Variants in ADCY8 observed in about 807,000 individuals in gnomAD.
ADCY8 encodes the protein adenylate cyclase type 8.
In ADCY8, 51 loss-of-function variants were observed where a neutral mutation model predicts 119.7. That is an observed-to-expected ratio of 0.43 (90% CI 0.34 to 0.54). The LOEUF is 0.54. Ranked by LOEUF, ADCY8 falls within the 20% of genes least tolerant of loss-of-function variation. The probability of loss-of-function intolerance (pLI) is 0.03; values close to 1 mark genes in which losing one functional copy is unlikely to be tolerated. For synonymous variants in ADCY8, 665 were observed against 651.0 expected, an observed-to-expected ratio of 1.02 and a Z score of -0.33; for missense variants, 1,383 against 1,598.8, an observed-to-expected ratio of 0.87 and a Z score of 2.30.
chr8:130,937,290 G>C, intron 4 of ADCY8, 90 bp from the exon 5 acceptor site: 3 of 1,367,280 alleles, frequency 2.2e-6, no homozygotes, highest in African/African-American at 2.9e-5. Flanking sequence ...GCAGGGTTAG[G>C]TGGTCTGCAA....
chr8:131,014,226 T>G (rs2130784698), intron 1 of ADCY8, among the ~76,000 whole-genome samples: 1 of 152,306 alleles, frequency 6.6e-6, no homozygotes, highest in East Asian at 1.9e-4. Flanking sequence ...AAGCATTTAG[T>G]TTACCCTTGC....
At chr8:130,865,202 G>C (rs948089087) in intron 9 of ADCY8, among the ~76,000 whole-genome samples, 3 of 151,998 alleles carry the variant, frequency 2.0e-5, no homozygotes, top group East Asian at 3.9e-4. Context: ...GGGGAAGAAG[G>C]CTCTGTCAAT....
At chr8:131,012,298 G>A (rs1300469783) in intron 1 of ADCY8, among the ~76,000 whole-genome samples, 1 of 152,162 alleles carries the variant, frequency 6.6e-6, no homozygotes. Flanking sequence ...GTTAGAGTCT[G>A]GGTCACACCA....
chr8:130,956,106 C>A (rs534647610), intron 2 of ADCY8, among the ~76,000 whole-genome samples: 6 of 152,074 alleles, frequency 3.9e-5, no homozygotes, highest in Non-Finnish European at 8.8e-5. Context: ...GTTTGTGCCA[C>A]GGCACTCCAG....
chr8:131,038,329 C>A lies in ADCY8; in HGVS notation c.960+1045G>T, dbSNP rs1824229540. On this transcript the variant is annotated intron_variant, in intron 1 of 17. Transcript: ENST00000286355. Reference sequence around the variant, plus strand: ...GACAGAGCAGGCCCATACAAAGCAGCCCCCTGACCATGCATCTCACACCAG... The same window carrying A: ...GACAGAGCAGGCCCATACAAAGCAGACCCCTGACCATGCATCTCACACCAG... Among the ~76,000 whole-genome samples the A allele has an allele frequency of 1.3e-5, 2 of 152,106 alleles. 1 individual carries two copies. The highest frequency in any genetic ancestry group is 4.8e-5 in the African/African-American group (2 of 41,402).
At chr8:130,989,573 A>G (rs997230511) in intron 2 of ADCY8, among the ~76,000 whole-genome samples, 2 of 152,178 alleles carry the variant, frequency 1.3e-5, no homozygotes, top group African/African-American at 4.8e-5. Context: ...AATTTCCAAG[A>G]GCATATATAC....
intron 13 of ADCY8, among the ~76,000 whole-genome samples, chr8:130,814,902 T>C (rs149506246): frequency 6.6e-6 from 1 of 152,206 alleles, no homozygotes; most frequent in Non-Finnish European, 1.5e-5. Flanking sequence ...GGTGCTTCTA[T>C]CTGTTCGACT....
chr8:130,803,833 T>C (rs912919658), intron 14 of ADCY8, among the ~76,000 whole-genome samples: 2 of 152,252 alleles, frequency 1.3e-5, no homozygotes, highest in Non-Finnish European at 2.9e-5. Flanking sequence ...GTGTCACTGA[T>C]TCATCATCAA....
At chr8:130,817,208 G>A (rs2130183463) in intron 13 of ADCY8, among the ~76,000 whole-genome samples, 1 of 152,292 alleles carries the variant, frequency 6.6e-6, no homozygotes, top group Admixed American at 6.5e-5. Context: ...CTGGAATTTT[G>A]GGGAAGAGAA....
chr8:130,998,335 G>C (rs1586642802), intron 1 of ADCY8, among the ~76,000 whole-genome samples: 1 of 152,338 alleles, frequency 6.6e-6, no homozygotes, highest in Middle Eastern at 3.4e-3. Flanking sequence ...AAGTGAGGGA[G>C]TCATCCTCAT....
chr8:130,813,507 A>C (rs1046727015), intron 14 of ADCY8, among the ~76,000 whole-genome samples: 1 of 152,162 alleles, frequency 6.6e-6, no homozygotes, highest in African/African-American at 2.4e-5. Flanking sequence ...CGAATGGCCC[A>C]TTTTACTTAG....
At chr8:130,832,410 A>T (rs1322996373) in intron 12 of ADCY8, among the ~76,000 whole-genome samples, 2 of 152,188 alleles carry the variant, frequency 1.3e-5, no homozygotes, top group African/African-American at 2.4e-5. Context: ...CCTAATGTAT[A>T]GGAACAACCA....
intron 2 of ADCY8, among the ~76,000 whole-genome samples, chr8:130,981,829 G>T (rs1205929862): frequency 6.6e-6 from 1 of 152,218 alleles, no homozygotes; most frequent in African/African-American, 2.4e-5. Context: ...TGATCCAACA[G>T]TTCAAGGATC....
intron 3 of ADCY8, among the ~76,000 whole-genome samples, chr8:130,949,298 C>G (rs1821204261): frequency 6.6e-6 from 1 of 152,060 alleles, no homozygotes; most frequent in African/African-American, 2.4e-5. Context: ...GACGCGCTGG[C>G]TTGTTGAATT....
At chr8:130,968,602 C>A (rs1028001444) in intron 2 of ADCY8, among the ~76,000 whole-genome samples, 3 of 152,110 alleles carry the variant, frequency 2.0e-5, no homozygotes, top group Non-Finnish European at 4.4e-5. Context: ...GGCTCTCCAC[C>A]CTACTCCAGT....
intron 9 of ADCY8, among the ~76,000 whole-genome samples, chr8:130,857,917 A>G (rs145015768): frequency 0.016 from 2,460 of 152,254 alleles, 39 homozygotes; most frequent in Middle Eastern, 0.031. Flanking sequence ...AACACTACAA[A>G]CTTAAAAAAA....
chr8:130,836,555 T>A (rs554866637), intron 11 of ADCY8, 106 bp from the exon 12 acceptor site: 711 of 1,270,206 alleles, frequency 5.6e-4, no homozygotes, highest in Non-Finnish European at 7.2e-4. Flanking sequence ...AGTTTCCATT[T>A]GGAGGTCTCA....
chr8:130,876,501 C>T (rs1175471113), intron 8 of ADCY8, among the ~76,000 whole-genome samples: 1 of 151,636 alleles, frequency 6.6e-6, no homozygotes, highest in African/African-American at 2.4e-5. Flanking sequence ...CCTTCTCCCA[C>T]TGGCCTAAGA....
intron 12 of ADCY8, among the ~76,000 whole-genome samples, chr8:130,822,257 G>A (rs3793391): frequency 0.22 from 33,247 of 152,102 alleles, 3,722 homozygotes; most frequent in Admixed American, 0.25. Context: ...AAAAGATAAG[G>A]CTTCACAAGG....
Sources: gnomAD v4.1 joint callset for allele counts (sites outside exome capture counted in the v4.1 genomes callset) on GRCh38, gnomAD v4.1.1 for gene constraint, MANE v1.5 for transcripts, NCBI Gene and HGNC (gene_info 2026-07-23, HGNC 2026-07-21) for gene names.